Variants in CBFA2T3 observed in about 807,000 individuals in gnomAD.
CBFA2T3 encodes the protein transcriptional corepressor CBFA2T3.
Under a neutral mutation model 58.6 loss-of-function variants are expected in CBFA2T3, and 31 were observed. The observed-to-expected ratio is 0.53, with a 90% CI of 0.40 to 0.71. The LOEUF (loss-of-function observed/expected upper bound fraction) is 0.71. CBFA2T3 is among the 30% of genes least tolerant of loss of function. CBFA2T3 has a pLI of 0.00. For synonymous variants in CBFA2T3, 531 were observed against 421.9 expected, an observed-to-expected ratio of 1.26 and a Z score of -3.17; for missense variants, 1,076 against 963.1, an observed-to-expected ratio of 1.12 and a Z score of -1.55.
At chr16:88,940,032 C>G (rs111247185) in intron 1 of CBFA2T3, 2 of 152,518 alleles carry the variant, frequency 1.3e-5, no homozygotes, top group Non-Finnish European at 2.9e-5. Context: ...ACACCCGGGC[C>G]GGACGCACAG....
At chr16:88,888,060 C>T (rs1054805893) in intron 5 of CBFA2T3, among the ~76,000 whole-genome samples, 5 of 152,122 alleles carry the variant, frequency 3.3e-5, no homozygotes, top group African/African-American at 1.2e-4. Flanking sequence ...GCTGTGGAGC[C>T]TCTGGCCGAG....
At position 88,953,074 on chromosome 16, in the gene CBFA2T3, A is replaced by G. The variant is rs561731562; in HGVS notation, c.151+23583T>C. On this transcript the variant is annotated intron_variant, in intron 1 of 11. Transcript: ENST00000268679. The surrounding 1 kb of genome is among the most constrained non-coding windows in gnomAD (Gnocchi z 4.9). ...GAGTGACCGTCCTCACCCACGAGAA[A>G]AAACACAACCTGGTCTCCGTCTGCC... 5.3e-5 allele frequency among the ~76,000 whole-genome samples: 8 copies of G among 152,332 alleles called. No individual in the cohort carries two copies. The South Asian group carries it at 1.2e-3, about 24-fold the overall frequency.
At chr16:88,960,485 C>T (rs1264462038) in intron 1 of CBFA2T3, among the ~76,000 whole-genome samples, 3 of 152,192 alleles carry the variant, frequency 2.0e-5, no homozygotes, top group African/African-American at 7.2e-5. Context: ...GGAACGAATC[C>T]ATTTGTCATG....
At chr16:88,915,891 C>T (rs1326679806) in intron 1 of CBFA2T3, among the ~76,000 whole-genome samples, 1 of 152,070 alleles carries the variant, frequency 6.6e-6, no homozygotes, top group Non-Finnish European at 1.5e-5. Context: ...CTTCCCCTCT[C>T]AGGAGCGTCA....
intron 1 of CBFA2T3, among the ~76,000 whole-genome samples, chr16:88,906,058 C>A (rs1363262377): frequency 2.0e-5 from 3 of 152,010 alleles, no homozygotes; most frequent in South Asian, 2.1e-4. Context: ...TGAGGCCGTG[C>A]GCAGCAGGGG....
At chr16:88,976,023 G>T (rs958670941) in intron 1 of CBFA2T3, among the ~76,000 whole-genome samples, 1 of 152,238 alleles carries the variant, frequency 6.6e-6, no homozygotes, top group Non-Finnish European at 1.5e-5. Flanking sequence ...GGGGATCCTT[G>T]TCCTGGGACT....
At chr16:88,908,163 G>A (rs1169117674) in intron 1 of CBFA2T3, among the ~76,000 whole-genome samples, 1 of 152,166 alleles carries the variant, frequency 6.6e-6, no homozygotes, top group Non-Finnish European at 1.5e-5. Flanking sequence ...CCAACATGGT[G>A]AAACCCCGTC....
intron 1 of CBFA2T3, among the ~76,000 whole-genome samples, chr16:88,948,326 C>T (rs576519714): frequency 6.6e-6 from 1 of 152,348 alleles, no homozygotes; most frequent in South Asian, 2.1e-4. Context: ...GAGCTGGGGG[C>T]AAGGCACCAG....
chr16:88,885,089 G>T lies in CBFA2T3; in HGVS notation c.1074C>A (p.Arg358=). 6.2e-7 allele frequency: 1 copy of T among 1,602,356 alleles called. No homozygotes were observed. The change falls in exon 7 of 12, where the codon CGC becomes CGA. Residue 358 remains arginine, a synonymous_variant. Transcript: ENST00000268679. This position sits in a 1 kb window ranked among gnomAD's most constrained non-coding sequence, Gnocchi z 5.3. The stretch of plus-strand genomic sequence containing the variant: ...CTCGTAGCTCCCGGGGGTCTGGGTG[G>T]CGGTAGGCATCTCGGAAGTGGTGGG... ...AMAHHFRDAY[R]HPDPRELRER...
In CBFA2T3 at chr16:88,977,078, G is replaced by A. The variant is rs987052610; in HGVS notation, c.-271C>T. The stretch of plus-strand genomic sequence containing the variant: ...TGGGGAAGGTCTCCCTGCAGCCTGC[G>A]GGTGAGGCAGCCAGCTGTGTCCCCG... On this transcript the variant is annotated 5_prime_UTR_variant, in exon 1 of 12. Transcript: ENST00000268679. The A allele has an allele frequency of 1.5e-5, 6 of 399,504 alleles. No homozygotes were observed. Among genetic ancestry groups the A allele is most frequent in the Non-Finnish European group, 2.3e-5 (5 of 219,114 alleles). 24.7% of individuals were successfully genotyped at this position (399,504 alleles called of 1,614,324 possible).
At position 88,901,346 on chromosome 16, in the gene CBFA2T3, G is replaced by C. The variant is rs182432200; in HGVS notation, c.304+158C>G. ...GTGGGAAGCAGGGAAGCTGGGATTT[G>C]AACCGGCCAAGCCTGGGCTCTGGGC... On this transcript the variant is annotated intron_variant, in intron 2 of 11. Transcript: ENST00000268679. Among the ~76,000 whole-genome samples the C allele has an allele frequency of 5.5e-3, 844 of 152,346 alleles. 7 individuals are homozygous for C. Among genetic ancestry groups the C allele is most frequent in the African/African-American group, 0.019 (809 of 41,580 alleles).
chr16:88,968,198 G>C (rs1383089440), intron 1 of CBFA2T3, among the ~76,000 whole-genome samples: 1 of 152,220 alleles, frequency 6.6e-6, no homozygotes, highest in African/African-American at 2.4e-5. Context: ...GTGGACCACA[G>C]GGGACTGCCA....
At chr16:88,897,972 G>A in intron 3 of CBFA2T3, 106 bp downstream of exon 3, 1 of 830,364 alleles carries the variant, frequency 1.2e-6, no homozygotes, top group Non-Finnish European at 2.1e-6. Flanking sequence ...GGGTGCGGAG[G>A]CCGGGGAGGA....
At position 88,898,158 on chromosome 16, in the gene CBFA2T3, A is replaced by T. The variant is rs1031184864; in HGVS notation, c.305-6T>A. ...CGCAGGCCCGTCCTCTCGATCTGTA[A>T]GCAAAATAAGAAGAACACGCTGTCA... is the stretch of plus-strand genomic sequence containing the variant. On this transcript the variant is annotated splice_region_variant and splice_polypyrimidine_tract_variant and intron_variant, in intron 2 of 11. Coordinates refer to ENST00000268679, the MANE Select transcript of CBFA2T3 (RefSeq NM_005187.6). 6.2e-7 allele frequency: 1 copy of T among 1,610,282 alleles called. No individual in the cohort carries two copies. Among genetic ancestry groups the T allele is most frequent in the African/African-American group, 1.3e-5 (1 of 74,900 alleles).
intron 1 of CBFA2T3, among the ~76,000 whole-genome samples, chr16:88,928,332 C>G (rs931168683): frequency 6.6e-6 from 1 of 152,198 alleles, no homozygotes; most frequent in Non-Finnish European, 1.5e-5. Flanking sequence ...CCTTGGGGGC[C>G]GATGACCAGG....
chr16:88,933,938 G>A (rs972190861), intron 1 of CBFA2T3, among the ~76,000 whole-genome samples: 13 of 139,730 alleles, frequency 9.3e-5, no homozygotes, highest in African/African-American at 3.0e-4. Flanking sequence ...CGCTGCCCCC[G>A]GGAGAGCTGA....
At chr16:88,920,851 C>T (rs1044894419) in intron 1 of CBFA2T3, among the ~76,000 whole-genome samples, 33 of 152,362 alleles carry the variant, frequency 2.2e-4, no homozygotes, top group African/African-American at 7.7e-4. Context: ...AGGCTGCCTC[C>T]CGCCCTCCTG....
Position 88,881,306 on chromosome 16 carries a change from C to G in CBFA2T3, c.1387G>C (p.Glu463Gln), listed in dbSNP as rs769427504. 6.3e-7 allele frequency: 1 copy of G among 1,589,238 alleles called. No homozygotes were observed. The highest frequency in any genetic ancestry group is 8.6e-7 in the Non-Finnish European group (1 of 1,169,032). Residue 463 changes from glutamate (E) to glutamine (Q), a missense_variant, in exon 9 of 12, where the codon GAA becomes CAA. Glu to Gln is a conservative substitution (Grantham distance 29). Transcript: ENST00000268679. ...CCACACGCACCTAGCTGAGGCCCTT[C>G]GGGACCGGCGGAGCTGCTGCGGGGC... ...ARPRSSSAGP[E>Q]GPQLDVPREF...
intron 3 of CBFA2T3, among the ~76,000 whole-genome samples, chr16:88,896,578 C>T (rs962813555): frequency 8.5e-5 from 13 of 152,172 alleles, no homozygotes; most frequent in South Asian, 2.1e-4. Flanking sequence ...TGTGGCCACA[C>T]GGTGGACTGT....
Sources: allele counts gnomAD v4.1 joint callset (sites outside exome capture counted in the v4.1 genomes callset), GRCh38; gene constraint gnomAD v4.1.1; non-coding constraint Gnocchi (gnomAD v3.1); transcripts MANE v1.5; gene names NCBI Gene and HGNC (gene_info 2026-07-23, HGNC 2026-07-21).